KCNK9: variants seen among roughly 807,000 people sequenced by gnomAD.
The protein encoded by KCNK9 is potassium two pore domain channel subfamily K member 9.
A neutral mutation model predicts 10.8 loss-of-function variants in KCNK9; 1 was observed. The ratio of observed to expected loss-of-function variants is 0.09; its 90% CI spans 0.03 to 0.44. The LOEUF (loss-of-function observed/expected upper bound fraction) is 0.44. KCNK9 is among the 20% of genes least tolerant of loss of function. The pLI is 0.97. For missense variants in KCNK9, 303 were observed against 515.0 expected (o/e 0.59, Z 3.98); for synonymous variants, 231 against 222.7 (o/e 1.04, Z -0.33).
intron 1 of KCNK9, among the ~76,000 whole-genome samples, chr8:139,625,016 G>A (rs1814922539): frequency 6.6e-6 from 1 of 152,160 alleles, no homozygotes; most frequent in South Asian, 2.1e-4. Context: ...GGCAGATGAT[G>A]TGCATCAGAG....
chr8:139,699,593 G>A (rs1817148557), intron 1 of KCNK9, among the ~76,000 whole-genome samples: 1 of 152,208 alleles, frequency 6.6e-6, no homozygotes, highest in Non-Finnish European at 1.5e-5. Context: ...GGGAGGAATG[G>A]AAACAGAGCC....
intron 1 of KCNK9, among the ~76,000 whole-genome samples, chr8:139,644,556 C>T (rs1224669016): frequency 6.6e-6 from 1 of 152,174 alleles, no homozygotes; most frequent in Non-Finnish European, 1.5e-5. Flanking sequence ...GATTCACACC[C>T]TAAGGTGGGT....
intron 1 of KCNK9, among the ~76,000 whole-genome samples, chr8:139,671,243 C>T (rs2129733840): frequency 6.6e-6 from 1 of 152,342 alleles, no homozygotes; most frequent in South Asian, 2.1e-4. Context: ...TGGCAGCGGG[C>T]ACATCCCCCT....
At chr8:139,685,121 A>G (rs1431792870) in intron 1 of KCNK9, among the ~76,000 whole-genome samples, 5 of 152,124 alleles carry the variant, frequency 3.3e-5, no homozygotes, top group African/African-American at 4.8e-5. Flanking sequence ...AAAGAAATAA[A>G]TGTTCTTTTC....
At chr8:139,652,198 TA>T (rs34904155) in intron 1 of KCNK9, among the ~76,000 whole-genome samples, 1 of 152,178 alleles carries the variant, frequency 6.6e-6, no homozygotes, top group Admixed American at 6.5e-5. Flanking sequence ...GCAGAGACAG[TA>T]AAAAACACCC....
At chr8:139,672,334 C>A (rs985998383) in intron 1 of KCNK9, among the ~76,000 whole-genome samples, 4 of 152,154 alleles carry the variant, frequency 2.6e-5, no homozygotes, top group African/African-American at 9.7e-5. Context: ...ATCCACACTT[C>A]GTGGTGGCAG....
chr8:139,655,350 T>A (rs988384384), intron 1 of KCNK9, among the ~76,000 whole-genome samples: 2 of 152,136 alleles, frequency 1.3e-5, no homozygotes, highest in African/African-American at 4.8e-5. Context: ...AAAACACTCC[T>A]TCCCCGGCTT....
At chr8:139,674,085 A>G (rs1816495812) in intron 1 of KCNK9, among the ~76,000 whole-genome samples, 2 of 152,258 alleles carry the variant, frequency 1.3e-5, no homozygotes, top group Middle Eastern at 6.8e-3. Context: ...CGTGGGGTGT[A>G]TTGTGGAATG....
intron 1 of KCNK9, among the ~76,000 whole-genome samples, chr8:139,698,184 G>C (rs1255116719): frequency 6.6e-6 from 1 of 152,208 alleles, no homozygotes; most frequent in Non-Finnish European, 1.5e-5. Context: ...CTGCCTTGGT[G>C]TGTGTGGCCT....
intron 1 of KCNK9, among the ~76,000 whole-genome samples, chr8:139,673,133 C>G (rs1026531007): frequency 6.6e-6 from 1 of 151,920 alleles, no homozygotes. Context: ...GAGTGCCCAG[C>G]GGAACTGGGC....
chr8:139,669,760 G>A (rs183906702), intron 1 of KCNK9, among the ~76,000 whole-genome samples: 11 of 152,272 alleles, frequency 7.2e-5, no homozygotes, highest in Admixed American at 3.9e-4. Context: ...CATATGGAAT[G>A]GTATATTCCT....
chr8:139,694,544 G>T (rs7838397), intron 1 of KCNK9, among the ~76,000 whole-genome samples: 4 of 151,960 alleles, frequency 2.6e-5, no homozygotes, highest in Admixed American at 6.5e-5. Flanking sequence ...GAGAGGCCAC[G>T]GAGGAGCCCC....
intron 1 of KCNK9, among the ~76,000 whole-genome samples, chr8:139,644,618 C>T (rs754536882): frequency 6.6e-6 from 1 of 152,054 alleles, no homozygotes; most frequent in Non-Finnish European, 1.5e-5. Context: ...GGAGCCCACG[C>T]GGTGGACCTG....
chr8:139,665,002 G>A (rs573633934), intron 1 of KCNK9, among the ~76,000 whole-genome samples: 1 of 152,308 alleles, frequency 6.6e-6, no homozygotes, highest in African/African-American at 2.4e-5. Flanking sequence ...CCCAGCACCA[G>A]TATAATTCTA....
chr8:139,663,647 A>AG (rs1816222015), intron 1 of KCNK9, among the ~76,000 whole-genome samples: 3 of 55,694 alleles, frequency 5.4e-5, no homozygotes, highest in African/African-American at 2.0e-4. Flanking sequence ...GCGCGTGCGC[A>AG]CGTGTGTGTG....
At chr8:139,672,844 G>T (rs940005883) in intron 1 of KCNK9, among the ~76,000 whole-genome samples, 1 of 152,220 alleles carries the variant, frequency 6.6e-6, no homozygotes, top group Non-Finnish European at 1.5e-5. Context: ...GGCAGAAGGG[G>T]TCCCAAGCCC....
At chr8:139,647,918 C>T (rs1476145980) in intron 1 of KCNK9, among the ~76,000 whole-genome samples, 1 of 152,062 alleles carries the variant, frequency 6.6e-6, no homozygotes, top group Non-Finnish European at 1.5e-5. Flanking sequence ...GCCACATGAC[C>T]CAGCAATCCC....
At chr8:139,694,998 C>T (rs1213252212) in intron 1 of KCNK9, among the ~76,000 whole-genome samples, 1 of 152,230 alleles carries the variant, frequency 6.6e-6, no homozygotes, top group African/African-American at 2.4e-5. Flanking sequence ...CCCGACAAGC[C>T]AGGCCAACAC....
At chr8:139,656,783 C>T (rs753739035) in intron 1 of KCNK9, among the ~76,000 whole-genome samples, 1 of 152,220 alleles carries the variant, frequency 6.6e-6, no homozygotes, top group African/African-American at 2.4e-5. Flanking sequence ...ATCTCTCACC[C>T]GGACAGAGGC....
Sources: gnomAD v4.1 joint callset for allele counts (sites outside exome capture counted in the v4.1 genomes callset) on GRCh38, gnomAD v4.1.1 for gene constraint, MANE v1.5 for transcripts, NCBI Gene and HGNC (gene_info 2026-07-23, HGNC 2026-07-21) for gene names.